Variants in NEK5 observed in about 807,000 individuals in gnomAD.
NEK5 encodes NIMA related kinase 5.
NEK5 carries 88 observed loss-of-function variants against 109.2 expected under a neutral mutation model. The observed-to-expected ratio is 0.81, with a 90% CI of 0.68 to 0.96. The LOEUF is 0.96. Among genes scored for constraint, NEK5 ranks in the 40% least tolerant of loss-of-function variants. The pLI is 0.00. For synonymous variants in NEK5, 283 were observed against 299.9 expected, an observed-to-expected ratio of 0.94 and a Z score of 0.58; for missense variants, 834 against 920.7, an observed-to-expected ratio of 0.91 and a Z score of 1.22.
intron 17 of NEK5, 109 bp downstream of exon 17, chr13:52,083,148 GAAA>G: frequency 1.1e-5 from 6 of 567,256 alleles, no homozygotes; most frequent in East Asian, 6.5e-5. Context: ...CCGTCTCATA[GAAA>G]AAAAAAAAAA....
intron 23 of NEK5, among the ~76,000 whole-genome samples, chr13:52,047,280 C>T (rs1289985305): frequency 6.6e-6 from 1 of 151,964 alleles, no homozygotes; most frequent in Non-Finnish European, 1.5e-5. Flanking sequence ...ATGTATTCAA[C>T]ATAATACTGT....
chr13:52,033,625 C>T lies in NEK5; in HGVS notation c.*3323G>A, dbSNP rs1593909961. 3 of 165,650 alleles carry T rather than the reference C, an allele frequency of 1.8e-5. No individual in the cohort carries two copies. Among genetic ancestry groups the T allele is most frequent in the Middle Eastern group, 6.8e-3 (2 of 296 alleles). 10.3% of individuals were successfully genotyped at this position (165,650 alleles called of 1,614,324 possible). On this transcript the variant is annotated 3_prime_UTR_variant, in exon 24 of 24. Transcript: ENST00000684899. ...AGAAGAGGCTGTCAGGTTTAATAAA[C>T]TTTTTAATGAATATTTCAGACATAA...
chr13:52,110,661 A>G (rs1955740814), intron 5 of NEK5, 84 bp from the exon 6 acceptor site: 1 of 726,042 alleles, frequency 1.4e-6, no homozygotes, highest in Non-Finnish European at 2.4e-6. Context: ...AAAGATAGAA[A>G]TTATACACAC....
At chr13:52,123,429 T>C (rs2138138049) in intron 3 of NEK5, among the ~76,000 whole-genome samples, 1 of 152,326 alleles carries the variant, frequency 6.6e-6, no homozygotes, top group Non-Finnish European at 1.5e-5. Context: ...AATGCAGTAA[T>C]GTTAATGTAC....
At position 52,102,251 on chromosome 13, in the gene NEK5, A is replaced by T; in HGVS notation, c.651T>A (p.Cys217Ter). 1 of 1,614,234 alleles carries T rather than the reference A, an allele frequency of 6.2e-7. No individual in the cohort carries two copies. The highest frequency in any genetic ancestry group is 8.5e-7 in the Non-Finnish European group (1 of 1,180,034). The change falls in exon 10 of 24, where the codon TGT (cysteine) becomes TGA (stop). Residue 217 changes from cysteine to a stop codon, truncating the protein, a stop_gained. Transcript: ENST00000684899. LOFTEE classifies it high-confidence loss of function. The stretch of plus-strand genomic sequence containing the variant: ...GAGATATTGGGGCAAAATGTGCTTG[A>T]CAAATCTTCAGAACCAGCTGCTGTA... The part of the protein sequence containing the change: ...NNLQQLVLKI[C>*]QAHFAPISPG...
chr13:52,087,620 T>TA (rs1305545772), intron 14 of NEK5, among the ~76,000 whole-genome samples, 166 bp from the exon 15 acceptor site: 2 of 152,256 alleles, frequency 1.3e-5, no homozygotes, highest in African/African-American at 2.4e-5. Flanking sequence ...TATAAAGCAT[T>TA]AAAAAATATA....
At chr13:52,053,902 T>C (rs1188694666) in intron 22 of NEK5, among the ~76,000 whole-genome samples, 1 of 152,250 alleles carries the variant, frequency 6.6e-6, no homozygotes, top group Admixed American at 6.5e-5. Flanking sequence ...CACCTTGTCC[T>C]TGTTATTCAA....
intron 21 of NEK5, among the ~76,000 whole-genome samples, chr13:52,062,618 A>C (rs1954622996): frequency 6.6e-6 from 1 of 151,920 alleles, no homozygotes; most frequent in African/African-American, 2.4e-5. Flanking sequence ...ACAGGGTTTC[A>C]CCATGTTGGC....
intron 1 of NEK5, among the ~76,000 whole-genome samples, chr13:52,128,167 A>C (rs1164741861): frequency 6.6e-6 from 1 of 152,184 alleles, no homozygotes; most frequent in Non-Finnish European, 1.5e-5. Flanking sequence ...CGAAATGCTA[A>C]GTATTTTTGC....
intron 3 of NEK5, among the ~76,000 whole-genome samples, chr13:52,125,706 G>A (rs996878713): frequency 2.0e-5 from 3 of 152,168 alleles, no homozygotes; most frequent in African/African-American, 7.2e-5. Context: ...CAGTTTAGGT[G>A]ACAATGGACA....
At chr13:52,046,333 T>C (rs1954458853) in intron 23 of NEK5, among the ~76,000 whole-genome samples, 1 of 147,390 alleles carries the variant, frequency 6.8e-6, no homozygotes, top group African/African-American at 2.5e-5. Context: ...AAAAAATAGC[T>C]GGGCATGGTG....
At chr13:52,108,215 A>G (rs965457732) in intron 8 of NEK5, 103 bp downstream of exon 8, 1 of 715,698 alleles carries the variant, frequency 1.4e-6, no homozygotes, top group Admixed American at 2.4e-5. Flanking sequence ...CAAAAGTACC[A>G]TAAGAAAGAA....
intron 8 of NEK5, among the ~76,000 whole-genome samples, 186 bp from the exon 9 acceptor site, chr13:52,104,738 T>C (rs1167866836): frequency 2.6e-5 from 4 of 152,240 alleles, no homozygotes; most frequent in Non-Finnish European, 5.9e-5. Context: ...AAACCATTTG[T>C]AGTTTGTCAG....
chr13:52,097,033 T>A (rs1287782402), intron 12 of NEK5, among the ~76,000 whole-genome samples: 1 of 152,160 alleles, frequency 6.6e-6, no homozygotes, highest in African/African-American at 2.4e-5. Context: ...AGGCCATTGC[T>A]TCAGAGGGTG....
chr13:52,121,606 G>A (rs1219004296), intron 3 of NEK5, among the ~76,000 whole-genome samples: 2 of 152,200 alleles, frequency 1.3e-5, no homozygotes, highest in African/African-American at 4.8e-5. Context: ...AAATAGAAGT[G>A]AATAAGGTAA....
chr13:52,046,939 A>C (rs748898018), intron 23 of NEK5, among the ~76,000 whole-genome samples: 10 of 152,206 alleles, frequency 6.6e-5, no homozygotes, highest in Non-Finnish European at 1.3e-4. Context: ...AATTTTAAAA[A>C]TGGCCCATGA....
intron 17 of NEK5, among the ~76,000 whole-genome samples, chr13:52,082,466 C>T (rs1473536379): frequency 6.6e-6 from 1 of 152,076 alleles, no homozygotes; most frequent in African/African-American, 2.4e-5. Context: ...TTTTATGTAA[C>T]CATAAAAGCA....
At chr13:52,094,763 G>T (rs1462343855) in intron 12 of NEK5, among the ~76,000 whole-genome samples, 2 of 152,198 alleles carry the variant, frequency 1.3e-5, no homozygotes, top group Non-Finnish European at 2.9e-5. Flanking sequence ...GACAGAGTGA[G>T]ACTCCGTCTC....
chr13:52,038,591 C>T (rs1954386153), intron 23 of NEK5, among the ~76,000 whole-genome samples: 1 of 152,046 alleles, frequency 6.6e-6, no homozygotes, highest in African/African-American at 2.4e-5. Flanking sequence ...CAGGTGAGCA[C>T]CACTATGCCC....
Sources: allele counts gnomAD v4.1 joint callset (sites outside exome capture counted in the v4.1 genomes callset), GRCh38; gene constraint gnomAD v4.1.1; transcripts MANE v1.5; gene names NCBI Gene and HGNC (gene_info 2026-07-23, HGNC 2026-07-21).